The following NSD1 variants were observed in gnomAD, a reference collection of about 807,000 sequenced individuals.
NSD1 encodes histone-lysine N-methyltransferase, H3 lysine-36 specific.
NSD1 carries 26 observed loss-of-function variants against 242.7 expected under a neutral mutation model. That is an observed-to-expected ratio of 0.11 (90% confidence interval 0.08 to 0.15). The LOEUF is 0.15. NSD1 is among the 10% of genes least tolerant of loss of function. The probability of loss-of-function intolerance (pLI) is 1.00; values close to 1 mark genes in which losing one functional copy is unlikely to be tolerated. For missense variants in NSD1, 2,495 were observed against 3,272.8 expected (o/e 0.76, Z 5.80); for synonymous variants, 1,106 against 1,178.1 (o/e 0.94, Z 1.25).
chr5:177,243,376 C>A (rs1204057058), intron 8 of NSD1, among the ~76,000 whole-genome samples: 1 of 151,842 alleles, frequency 6.6e-6, no homozygotes, highest in East Asian at 2.0e-4. Context: ...TTAGTAGAAA[C>A]GGGGTTTCAC....
In NSD1 at chr5:177,298,654, C is replaced by A. The variant is rs1760394761; in HGVS notation, c.*3195C>A. The A allele has an allele frequency of 1.3e-5, 3 of 233,212 alleles. No homozygotes were observed. In the Admixed American group the frequency reaches 1.7e-4, roughly 13 times the overall value. The allele number at this position is 233,212 out of a possible 1,614,324, so 14.4% of individuals were successfully genotyped here. On this transcript the variant is annotated 3_prime_UTR_variant, in exon 23 of 23. Transcript: ENST00000439151. ...GTTATTTTATTCTTTACATCCTTCA[C>A]CCCACACTATGGTCAGGGCATGAAA...
Position 177,294,531 on chromosome 5 carries a change from C to T in NSD1, c.7163C>T (p.Pro2388Leu), listed in dbSNP as rs373116626. ...TSVPTGLRLPPPDRLLITSSP... is the reference protein window; with the variant it reads ...TSVPTGLRLPLPDRLLITSSP... ...GTTCCCACTGGCCTGAGACTTCCGC[C>T]GCCAGACAGACTGCTCATTACTAGC... Residue 2388 changes from proline to leucine, a missense_variant, in exon 23 of 23, where the codon CCG (proline) becomes CTG (leucine). By Grantham distance (98) the Pro-to-Leu change is moderately conservative. Around this residue, in one of 19 missense-constraint regions of NSD1, gnomAD observed 475 missense variants for 563.7 expected, o/e 0.84. Coordinates refer to ENST00000439151, the MANE Select transcript of NSD1 (RefSeq NM_022455.5). 1.2e-5 allele frequency: 19 copies of T among 1,614,072 alleles called. No homozygotes were observed. The highest frequency in any genetic ancestry group is 8.0e-5 in the African/African-American group (6 of 74,920).
rs1485814265 is a variant in NSD1 at position 177,209,738 on chromosome 5, A to G, written c.1339A>G (p.Ile447Val). ...GAACCGAAAATGTATTCCTGGTTCA[A>G]TCAAGTTGGACAGTGAAGAAGATAT... ...SKNRKCIPGSIKLDSEEDMPF... is the reference protein window; with the variant it reads ...SKNRKCIPGSVKLDSEEDMPF... The change falls in exon 5 of 23, where the codon ATC becomes GTC. Residue 447 changes from isoleucine to valine, a missense_variant. Ile to Val is a conservative substitution (Grantham distance 29). Around this residue, in one of 19 missense-constraint regions of NSD1, gnomAD observed 515 missense variants for 467.0 expected, o/e 1.10. Transcript: ENST00000439151. 2 of 1,614,160 alleles carry G rather than the reference A, an allele frequency of 1.2e-6. No homozygotes were observed. The highest frequency in any genetic ancestry group is 2.2e-5 in the South Asian group (2 of 91,084).
At chr5:177,178,090 T>C (rs546715679) in intron 2 of NSD1, among the ~76,000 whole-genome samples, 1 of 151,986 alleles carries the variant, frequency 6.6e-6, no homozygotes, top group South Asian at 2.1e-4. Context: ...AGAGACAGTT[T>C]CATCATGTTG....
chr5:177,192,387 T>A (rs1761764260), intron 3 of NSD1, among the ~76,000 whole-genome samples: 2 of 151,870 alleles, frequency 1.3e-5, no homozygotes, highest in African/African-American at 2.4e-5. Flanking sequence ...ATTTTTGTTT[T>A]TTGTTTTTTT....
chr5:177,259,472 C>T (rs1292138046), intron 13 of NSD1, among the ~76,000 whole-genome samples: 3 of 152,108 alleles, frequency 2.0e-5, no homozygotes, highest in Non-Finnish European at 2.9e-5. Context: ...TTTATTAATA[C>T]AAAGAAAAAT....
At chr5:177,189,595 C>A (rs1006532510) in intron 2 of NSD1, among the ~76,000 whole-genome samples, 1 of 152,108 alleles carries the variant, frequency 6.6e-6, no homozygotes, top group African/African-American at 2.4e-5. Context: ...GGTTTGAATC[C>A]TTGGTTCTGT....
At chr5:177,160,078 A>T (rs894008040) in intron 2 of NSD1, among the ~76,000 whole-genome samples, 2 of 150,348 alleles carry the variant, frequency 1.3e-5, no homozygotes, top group Non-Finnish European at 3.0e-5. Flanking sequence ...TTTTGTAGAG[A>T]TGGAGTTTCA....
chr5:177,262,324 G>A (rs755985319), intron 14 of NSD1, among the ~76,000 whole-genome samples: 2 of 151,952 alleles, frequency 1.3e-5, no homozygotes, highest in Admixed American at 6.6e-5. Context: ...TAAAGAAGCC[G>A]AACACGGTGG....
intron 12 of NSD1, among the ~76,000 whole-genome samples, chr5:177,253,983 C>T (rs1290747557): frequency 6.6e-6 from 1 of 152,110 alleles, no homozygotes; most frequent in Non-Finnish European, 1.5e-5. Flanking sequence ...TTTTCAGAGT[C>T]TTGCACTGTC....
chr5:177,141,319 CTTTTTTTTT>C (rs567992731), intron 2 of NSD1, among the ~76,000 whole-genome samples: 7 of 97,036 alleles, frequency 7.2e-5, no homozygotes, highest in East Asian at 5.5e-4. Context: ...CGCGCGCAGC[CTTTTTTTTT>C]TTTTTTTTTT....
chr5:177,159,027 A>T (rs1449894062), intron 2 of NSD1, among the ~76,000 whole-genome samples: 7 of 107,738 alleles, frequency 6.5e-5, no homozygotes, highest in South Asian at 6.0e-4. Context: ...TATATATATG[A>T]ATGATATATA....
chr5:177,170,379 C>T (rs1227525001), intron 2 of NSD1, among the ~76,000 whole-genome samples: 1 of 150,760 alleles, frequency 6.6e-6, no homozygotes, highest in Non-Finnish European at 1.5e-5. Flanking sequence ...GAGACGGAGT[C>T]TCGCTCTGTC....
intron 8 of NSD1, among the ~76,000 whole-genome samples, chr5:177,240,747 C>A (rs1765793122): frequency 6.6e-6 from 1 of 152,014 alleles, no homozygotes; most frequent in Non-Finnish European, 1.5e-5. Context: ...TGGCTCAAGC[C>A]TATAATCCCA....
At chr5:177,186,009 TTA>T (rs1761168528) in intron 2 of NSD1, among the ~76,000 whole-genome samples, 1 of 99,678 alleles carries the variant, frequency 1.0e-5, no homozygotes, top group African/African-American at 4.0e-5. Flanking sequence ...ATAATTTATA[TTA>T]TATATTATAT....
At chr5:177,213,290 C>CT (rs1422386036) in intron 5 of NSD1, among the ~76,000 whole-genome samples, 1 of 152,164 alleles carries the variant, frequency 6.6e-6, no homozygotes, top group Non-Finnish European at 1.5e-5. Context: ...AGATTTTTCT[C>CT]TAACAGCTTT....
chr5:177,216,953 T>G (rs13177748), intron 5 of NSD1, among the ~76,000 whole-genome samples: 21,505 of 151,626 alleles, frequency 0.14, 2,007 homozygotes, highest in East Asian at 0.51. Flanking sequence ...CTTCAGTTTT[T>G]TTTTTTTTTC....
At chr5:177,181,995 A>G (rs62397226) in intron 2 of NSD1, among the ~76,000 whole-genome samples, 4,124 of 152,004 alleles carry the variant, frequency 0.027, 58 homozygotes, top group Non-Finnish European at 0.041. Flanking sequence ...TACTAAAAAT[A>G]CAAAAAATTA....
intron 5 of NSD1, among the ~76,000 whole-genome samples, chr5:177,215,865 T>G (rs1225601037): frequency 2.6e-5 from 4 of 152,172 alleles, no homozygotes; most frequent in Non-Finnish European, 5.9e-5. Flanking sequence ...TTTGTCCATA[T>G]ACATATGTTT....
Sources: gnomAD v4.1 joint callset for allele counts (sites outside exome capture counted in the v4.1 genomes callset) on GRCh38, gnomAD v4.1.1 for gene constraint, gnomAD v4.1.1 regional missense constraint, MANE v1.5 for transcripts, NCBI Gene and HGNC (gene_info 2026-07-23, HGNC 2026-07-21) for gene names.